Variants in HNRNPAB observed in about 807,000 individuals in gnomAD.
HNRNPAB encodes ABBP-1.
HNRNPAB carries 17 observed loss-of-function variants against 44.1 expected under a neutral mutation model. The observed-to-expected ratio is 0.39, with a 90% CI of 0.26 to 0.58. The LOEUF is 0.58. Ranked by LOEUF, HNRNPAB falls within the 20% of genes least tolerant of loss-of-function variation. The pLI is 0.63. For missense variants in HNRNPAB, 393 were observed against 432.7 expected (o/e 0.91, Z 0.81); for synonymous variants, 183 against 167.6 (o/e 1.09, Z -0.71).
chr5:178,210,806 G>A lies in HNRNPAB; in HGVS notation c.*183G>A. ...TATTTCCAGAGCTCTAGGTGTTTAG[G>A]CAGCGTGTGGTGTCTGAGAGGCCAT... On this transcript the variant is annotated 3_prime_UTR_variant, in exon 8 of 8. Transcript: ENST00000358344. The A allele has an allele frequency of 1.6e-6, 1 of 615,654 alleles. No homozygotes were observed. The highest frequency in any genetic ancestry group is 2.9e-6 in the Non-Finnish European group (1 of 342,356). 38.1% of individuals were successfully genotyped at this position (615,654 alleles called of 1,614,324 possible).
In HNRNPAB at chr5:178,206,666, C is replaced by T. The variant is rs567291542; in HGVS notation, c.379-66C>T. The T allele has an allele frequency of 3.3e-6, 5 of 1,505,682 alleles. No homozygotes were observed. The South Asian group carries it at 5.8e-5, about 17-fold the overall frequency. 93.3% of individuals were successfully genotyped at this position (1,505,682 alleles called of 1,614,324 possible). ...TGTATCTGTACTGGTGTCTTTATGG[C>T]TTAGAGAGAAGGGCCTTGTCTGGCT... On this transcript the variant is annotated intron_variant, in intron 3 of 7. Transcript: ENST00000358344.
chr5:178,208,405 A>G (rs1757209807), intron 5 of HNRNPAB: 1 of 152,206 alleles, frequency 6.6e-6, no homozygotes, highest in African/African-American at 2.4e-5. Flanking sequence ...CTTTTTCTCT[A>G]TGTGCCATAA....
In HNRNPAB at chr5:178,204,967, A is replaced by G; in HGVS notation, c.130A>G (p.Thr44Ala). The change falls in exon 2 of 8, where the codon ACC (threonine) becomes GCC (alanine). Residue 44 changes from threonine (T) to alanine (A), a missense_variant. By Grantham distance (58) the Thr-to-Ala change is moderately conservative. Coordinates refer to ENST00000358344, the MANE Select transcript of HNRNPAB (RefSeq NM_031266.3). ...CGCCGCGGCGGGGGCTGGAGGCGCG[A>G]CCGCGGCGCCCCCGAGCGGGAATCA... The part of the protein sequence containing the change: ...TGAAAGAGGA[T>A]AAPPSGNQNG... The G allele has an allele frequency of 5.0e-6, 6 of 1,207,702 alleles. No homozygotes were observed. The South Asian group carries it at 1.7e-4, about 33-fold the overall frequency. 74.8% of individuals were successfully genotyped at this position (1,207,702 alleles called of 1,614,324 possible). A position where few individuals can be genotyped will look rare whatever the true frequency, so the allele number is the denominator to read the frequency against.
At chr5:178,208,083 A>C (rs11743721) in intron 5 of HNRNPAB, among the ~76,000 whole-genome samples, 34,592 of 152,048 alleles carry the variant, frequency 0.23, 4,712 homozygotes, top group East Asian at 0.35. Context: ...CTTTCAAATG[A>C]GTGGATTCAT....
chr5:178,210,134 C>A lies in HNRNPAB; in HGVS notation c.790C>A (p.Gln264Lys). 4.3e-6 allele frequency: 7 copies of A among 1,614,122 alleles called. No individual in the cohort carries two copies. Among genetic ancestry groups the A allele is most frequent in the Non-Finnish European group, 5.9e-6 (7 of 1,179,986 alleles). Residue 264 changes from glutamine to lysine, a missense_variant and splice_region_variant, in exon 7 of 8, where the codon CAG becomes AAG. Around this residue, in one of 3 missense-constraint regions of HNRNPAB, gnomAD observed 210 missense variants for 196.9 expected, o/e 1.07. Transcript: ENST00000358344. ...GSGGGGGGGG[Q>K]SQSWNQGYGN... ...CCTGTGCCCTGCTCCCCCCACAGGT[C>A]AGAGTCAGAGTTGGAATCAGGGCTA... is the stretch of plus-strand genomic sequence containing the variant.
intron 3 of HNRNPAB, 32 bp downstream of exon 3, chr5:178,206,042 G>C: frequency 6.3e-7 from 1 of 1,587,650 alleles, no homozygotes; most frequent in Non-Finnish European, 8.6e-7. Flanking sequence ...AGCAGTCTCA[G>C]TGGAAACGAT....
At chr5:178,210,321 G>A in intron 7 of HNRNPAB, 49 bp downstream of exon 7, 1 of 1,612,846 alleles carries the variant, frequency 6.2e-7, no homozygotes, top group Non-Finnish European at 8.5e-7. Flanking sequence ...CGTCCCCAGG[G>A]GAGGCAGGAC....
intron 2 of HNRNPAB, 176 bp from the exon 3 acceptor site, chr5:178,205,666 G>T (rs867202674): frequency 6.6e-6 from 4 of 609,458 alleles, no homozygotes; most frequent in Non-Finnish European, 8.7e-6. Flanking sequence ...GCCTCGTTAG[G>T]GTCCTGGTTG....
rs1465173236 is a variant in HNRNPAB at position 178,205,038 on chromosome 5, G to C, written c.201G>C (p.Glu67Asp). 4 of 1,207,092 alleles carry C rather than the reference G, an allele frequency of 3.3e-6. No homozygotes were observed. In the African/African-American group the frequency reaches 6.3e-5, roughly 19 times the overall value. The allele number at this position is 1,207,092 out of a possible 1,614,324, so 74.8% of individuals were successfully genotyped here. A position where few individuals can be genotyped will look rare whatever the true frequency, so the allele number is the denominator to read the frequency against. Residue 67 changes from glutamate to aspartate, a missense_variant, in exon 2 of 8, where the codon GAG (glutamate) becomes GAC (aspartate). Glu to Asp is a conservative substitution (Grantham distance 45). This residue lies in a region of HNRNPAB where 102 missense variants were observed against 162.3 expected (regional missense o/e 0.63). Transcript: ENST00000358344. ...AGATCAACGCCAGCAAGAACGAGGA[G>C]GACGCGGGGTAGGTGCGGCCGCGGG... ...GDQINASKNE[E>D]DAGKMFVGGL...
At position 178,207,089 on chromosome 5, in the gene HNRNPAB, T is replaced by C. The variant is rs761998302; in HGVS notation, c.538-5T>C. On this transcript the variant is annotated splice_region_variant and splice_polypyrimidine_tract_variant and intron_variant, in intron 4 of 7. Transcript: ENST00000358344. ...TGGGCCTGAGTTTGCCTATGCTTTT[T>C]GCAGATTGAGGCCATTGAATTGCCA... 6.2e-7 allele frequency: 1 copy of C among 1,614,060 alleles called. No individual in the cohort carries two copies. Among genetic ancestry groups the C allele is most frequent in the East Asian group, 2.2e-5 (1 of 44,882 alleles).
At chr5:178,208,093 T>C (rs892309240) in intron 5 of HNRNPAB, among the ~76,000 whole-genome samples, 2 of 152,198 alleles carry the variant, frequency 1.3e-5, no homozygotes, top group African/African-American at 4.8e-5. Context: ...AGTGGATTCA[T>C]GTGCAGGGAG....
intron 3 of HNRNPAB, among the ~76,000 whole-genome samples, chr5:178,206,229 G>A (rs1393839052): frequency 6.6e-6 from 1 of 152,234 alleles, no homozygotes; most frequent in African/African-American, 2.4e-5. Context: ...GAAGATGACA[G>A]TTGACATTCA....
At position 178,210,582 on chromosome 5, in the gene HNRNPAB, C is replaced by G. The variant is rs1757945739; in HGVS notation, c.958C>G (p.Gln320Glu). 1.2e-6 allele frequency: 2 copies of G among 1,614,138 alleles called. No homozygotes were observed. The highest frequency in any genetic ancestry group is 1.7e-6 in the Non-Finnish European group (2 of 1,180,000). The change falls in exon 8 of 8, where the codon CAG becomes GAG. Residue 320 changes from glutamine to glutamate, a missense_variant. By Grantham distance (29) the Gln-to-Glu change is conservative. Transcript: ENST00000358344. ...GGGTAGTACAAACTACGGCAAGAGC[C>G]AGCGACGTGGTGGCCATCAGAATAA... ...SQGSTNYGKSQRRGGHQNNYK... is the reference protein window; with the variant it reads ...SQGSTNYGKSERRGGHQNNYK...
chr5:178,207,311 A>C (rs1757110435), intron 5 of HNRNPAB, 86 bp downstream of exon 5: 4 of 1,516,550 alleles, frequency 2.6e-6, no homozygotes, highest in Non-Finnish European at 3.6e-6. Flanking sequence ...GGCCTCATGC[A>C]GGAGCTCTCC....
In HNRNPAB at chr5:178,210,474, C is replaced by T. The variant is rs369733458; in HGVS notation, c.929-79C>T. ...TCTGCTGTCACGGCTGGTGAGGGTC[C>T]TGGGAAGATGCATATCAAGCGCGTG... On this transcript the variant is annotated intron_variant, in intron 7 of 7. Transcript: ENST00000358344. 10 of 1,510,662 alleles carry T rather than the reference C, an allele frequency of 6.6e-6. No individual in the cohort carries two copies. The East Asian group carries it at 6.8e-5, about 10-fold the overall frequency. The allele number at this position is 1,510,662 out of a possible 1,614,324, so 93.6% of individuals were successfully genotyped here.
intron 5 of HNRNPAB, among the ~76,000 whole-genome samples, chr5:178,207,833 G>A (rs1341460715): frequency 1.3e-5 from 2 of 151,508 alleles, no homozygotes; most frequent in African/African-American, 4.9e-5. Flanking sequence ...CTCTCGAGTA[G>A]CTGGGACCAC....
At position 178,210,592 on chromosome 5, in the gene HNRNPAB, G is replaced by A; in HGVS notation, c.968G>A (p.Gly323Asp). ...AACTACGGCAAGAGCCAGCGACGTG[G>A]TGGCCATCAGAATAACTACAAGCCA... ...STNYGKSQRR[G>D]GHQNNYKPY Residue 323 changes from glycine (G) to aspartate (D), a missense_variant, in exon 8 of 8, where the codon GGT becomes GAT. Transcript: ENST00000358344. 6.2e-7 allele frequency: 1 copy of A among 1,614,120 alleles called. No individual in the cohort carries two copies. Among genetic ancestry groups the A allele is most frequent in the East Asian group, 2.2e-5 (1 of 44,846 alleles).
chr5:178,210,249 G>T lies in HNRNPAB; in HGVS notation c.905G>T (p.Gly302Val), dbSNP rs910726226. The T allele has an allele frequency of 6.2e-7, 1 of 1,613,864 alleles. No homozygotes were observed. The highest frequency in any genetic ancestry group is 1.3e-5 in the African/African-American group (1 of 74,932). ...GYDYSPYGYY[G>V]YGPGYDYSQG... ...GACTACTCGCCCTATGGCTATTACG[G>T]CTACGGCCCCGGCTACGACTACAGT... is the stretch of plus-strand genomic sequence containing the variant. Residue 302 changes from glycine (G) to valine (V), a missense_variant, in exon 7 of 8, where the codon GGC (glycine) becomes GTC (valine). Transcript: ENST00000358344.
chr5:178,209,999 A>T (rs1757695272), intron 6 of HNRNPAB, 133 bp from the exon 7 acceptor site: 2 of 1,283,992 alleles, frequency 1.6e-6, no homozygotes, highest in South Asian at 2.9e-5. Context: ...CTTATACACC[A>T]GAACAGCAGC....
Sources: gnomAD v4.1 joint callset for allele counts (sites outside exome capture counted in the v4.1 genomes callset) on GRCh38, gnomAD v4.1.1 for gene constraint, gnomAD v4.1.1 regional missense constraint, MANE v1.5 for transcripts, NCBI Gene and HGNC (gene_info 2026-07-23, HGNC 2026-07-21) for gene names.